The following NSMCE2 variants were observed in gnomAD, a reference collection of about 807,000 sequenced individuals.
NSMCE2 encodes the protein E3 SUMO-protein ligase NSE2.
In NSMCE2, 24 loss-of-function variants were observed where a neutral mutation model predicts 23.8. That is an observed-to-expected ratio of 1.01 (90% CI 0.73 to 1.42). The LOEUF (loss-of-function observed/expected upper bound fraction) is 1.42. Ranked by LOEUF, NSMCE2 falls within the 40% of genes most tolerant of loss-of-function variation. NSMCE2 has a pLI of 0.00. For synonymous variants in NSMCE2, 92 were observed against 94.1 expected, an observed-to-expected ratio of 0.98 and a Z score of 0.13; for missense variants, 284 against 296.5, an observed-to-expected ratio of 0.96 and a Z score of 0.31.
intron 5 of NSMCE2, among the ~76,000 whole-genome samples, chr8:125,235,977 A>G (rs952088524): frequency 2.0e-5 from 3 of 152,372 alleles, no homozygotes; most frequent in East Asian, 3.9e-4. Context: ...ACAGATTTCT[A>G]TTCCTGGAAA....
chr8:125,359,779 A>G (rs1467420334), intron 7 of NSMCE2, among the ~76,000 whole-genome samples: 3 of 152,226 alleles, frequency 2.0e-5, no homozygotes, highest in African/African-American at 7.2e-5. Flanking sequence ...TTATCCCATC[A>G]TCATCTTCAA....
At chr8:125,317,500 A>AT (rs1405485485) in intron 5 of NSMCE2, among the ~76,000 whole-genome samples, 17 of 152,064 alleles carry the variant, frequency 1.1e-4, no homozygotes, top group Non-Finnish European at 2.9e-5. Flanking sequence ...CCTGACCAAG[A>AT]TTCCTTTTTT....
chr8:125,364,092 C>T (rs1010573790), intron 7 of NSMCE2, among the ~76,000 whole-genome samples: 1 of 151,980 alleles, frequency 6.6e-6, no homozygotes, highest in African/African-American at 2.4e-5. Flanking sequence ...TACAGGCATG[C>T]GCCACCACGC....
intron 5 of NSMCE2, among the ~76,000 whole-genome samples, chr8:125,307,129 C>T (rs144950102): frequency 3.7e-4 from 56 of 152,280 alleles, no homozygotes; most frequent in African/African-American, 1.3e-3. Flanking sequence ...CTTTTCCTCT[C>T]TTTTAACATT....
chr8:125,150,644 AG>A (rs1173275980), intron 3 of NSMCE2, among the ~76,000 whole-genome samples: 3 of 151,298 alleles, frequency 2.0e-5, no homozygotes, highest in Non-Finnish European at 4.4e-5. Context: ...GGCCTCCCAA[AG>A]TACTAGGATT....
Position 125,357,277 on chromosome 8 carries a change from T to C in NSMCE2, c.477T>C (p.Ile159=). 6.2e-7 allele frequency: 1 copy of C among 1,613,868 alleles called. No homozygotes were observed. The part of the protein sequence containing the change: ...DGTEGVDEDI[I]VTQSQTNFTC... ...CAGAAGGAGTGGATGAAGATATAAT[T>C]GTGACCCAAAGTCAGACCAACTTCA... The change falls in exon 6 of 8, where the codon ATT becomes ATC. Residue 159 remains isoleucine, a synonymous_variant. Transcript: ENST00000287437.
intron 5 of NSMCE2, among the ~76,000 whole-genome samples, chr8:125,250,058 C>G (rs888048482): frequency 6.6e-6 from 1 of 152,166 alleles, no homozygotes; most frequent in East Asian, 1.9e-4. Context: ...GGCGCAATCT[C>G]GGCTCACTGC....
intron 5 of NSMCE2, among the ~76,000 whole-genome samples, chr8:125,266,105 T>C (rs1244427843): frequency 6.6e-6 from 1 of 151,244 alleles, no homozygotes; most frequent in East Asian, 1.9e-4. Context: ...TTTTTTTTTT[T>C]TTTTGAGATG....
chr8:125,251,505 CA>C (rs1826196503), intron 5 of NSMCE2, among the ~76,000 whole-genome samples: 1 of 152,114 alleles, frequency 6.6e-6, no homozygotes, highest in Admixed American at 6.5e-5. Context: ...AATAGTTTTT[CA>C]AGTAGACTCA....
At chr8:125,204,651 TTTTAC>T (rs1824033082) in intron 5 of NSMCE2, among the ~76,000 whole-genome samples, 1 of 151,902 alleles carries the variant, frequency 6.6e-6, no homozygotes, top group Admixed American at 6.6e-5. Flanking sequence ...AGCACAGGGG[TTTTAC>T]TTTACATTTA....
chr8:125,277,805 C>T (rs867518932), intron 5 of NSMCE2, among the ~76,000 whole-genome samples: 13 of 151,964 alleles, frequency 8.6e-5, no homozygotes, highest in African/African-American at 3.2e-4. Context: ...TGAGCCACTG[C>T]GCCCAGCCTG....
chr8:125,316,749 T>C (rs1052118407), intron 5 of NSMCE2, among the ~76,000 whole-genome samples: 3 of 142,500 alleles, frequency 2.1e-5, no homozygotes, highest in Admixed American at 7.0e-5. Context: ...CCTTCCTTCC[T>C]TCCTTCCTTC....
intron 5 of NSMCE2, among the ~76,000 whole-genome samples, chr8:125,274,207 T>C (rs1563757110): frequency 1.3e-5 from 2 of 152,046 alleles, no homozygotes; most frequent in Admixed American, 1.3e-4. Context: ...AAAAGAAAGC[T>C]TCAAGCATTC....
chr8:125,125,639 G>A (rs1359391112), intron 3 of NSMCE2, among the ~76,000 whole-genome samples: 1 of 152,144 alleles, frequency 6.6e-6, no homozygotes, highest in Non-Finnish European at 1.5e-5. Flanking sequence ...CTAGAGAGTG[G>A]GAGAGGGTGT....
At chr8:125,156,229 T>A (rs964384992) in intron 4 of NSMCE2, 12 of 172,042 alleles carry the variant, frequency 7.0e-5, no homozygotes, top group African/African-American at 2.9e-4. Context: ...TGATCCTTAG[T>A]TGTGTAGTTT....
rs552086858 is a variant in NSMCE2, at chr8:125,247,202, G to A, written c.418+64946G>A. On this transcript the variant is annotated intron_variant, in intron 5 of 7. Transcript: ENST00000287437. ...AAAAAAATTAGCTGGGAGTAGTATC[G>A]TGTACCTGTAGTCCCAGCTACTCAG... is the stretch of plus-strand genomic sequence containing the variant. Among the ~76,000 whole-genome samples the A allele has an allele frequency of 4.0e-5, 6 of 151,060 alleles. 1 individual carries two copies. The South Asian group carries it at 6.3e-4, about 16-fold the overall frequency.
At chr8:125,322,724 AAAG>A (rs1327290705) in intron 5 of NSMCE2, among the ~76,000 whole-genome samples, 1 of 152,256 alleles carries the variant, frequency 6.6e-6, no homozygotes, top group Non-Finnish European at 1.5e-5. Context: ...AATCTACAAA[AAAG>A]CTGCTAGAAC....
chr8:125,334,368 C>T (rs1003132298), intron 5 of NSMCE2, among the ~76,000 whole-genome samples: 58 of 152,222 alleles, frequency 3.8e-4, no homozygotes, highest in Admixed American at 1.4e-3. Context: ...TTGAGAACAG[C>T]GCTGAGGCAA....
intron 5 of NSMCE2, among the ~76,000 whole-genome samples, chr8:125,217,359 A>T (rs3955403): frequency 0.043 from 6,464 of 150,346 alleles, 415 homozygotes; most frequent in African/African-American, 0.14. Flanking sequence ...TTATTTATTT[A>T]TTTTTTATTT....
Sources: allele counts gnomAD v4.1 joint callset (sites outside exome capture counted in the v4.1 genomes callset), GRCh38; gene constraint gnomAD v4.1.1; transcripts MANE v1.5; gene names NCBI Gene and HGNC (gene_info 2026-07-23, HGNC 2026-07-21).